ZNF469: variants seen among roughly 807,000 people sequenced by gnomAD.
ZNF469 encodes zinc finger protein 469.
In ZNF469, 1 loss-of-function variant was observed where a neutral mutation model predicts 1.0. That is an observed-to-expected ratio of 1.00 (90% CI 0.35 to 4.73). ZNF469 has a LOEUF of 4.73. ZNF469 is among the 30% of genes most tolerant of loss of function. The pLI, the probability that ZNF469 is intolerant of heterozygous loss-of-function variation, is 0.16. For synonymous variants in ZNF469, 2,703 were observed against 2,363.4 expected (o/e 1.14, Z -4.17); for missense variants, 6,100 against 5,356.3 (o/e 1.14, Z -4.33).
chr16:88,190,637 G>C, the ZNF469 span, among the ~76,000 whole-genome samples: 44 of 152,230 alleles, frequency 2.9e-4, no homozygotes, highest in Non-Finnish European at 1.3e-4. Context: ...ACACAGGCAA[G>C]AGTGTGTCTT....
the ZNF469 span, among the ~76,000 whole-genome samples, chr16:88,124,200 A>T: frequency 6.6e-6 from 1 of 152,206 alleles, no homozygotes; most frequent in African/African-American, 2.4e-5. Flanking sequence ...GTTTGACCAG[A>T]ATTTTCTCCC....
the ZNF469 span, among the ~76,000 whole-genome samples, chr16:88,197,159 C>A: frequency 6.6e-6 from 1 of 152,188 alleles, no homozygotes; most frequent in South Asian, 2.1e-4. Flanking sequence ...CTGTCCCTAC[C>A]CTTCTAGCCT....
At chr16:88,415,800 T>G (rs1467527615) in intron 1 of ZNF469, among the ~76,000 whole-genome samples, 1 of 152,188 alleles carries the variant, frequency 6.6e-6, no homozygotes, top group African/African-American at 2.4e-5. Context: ...CTTCCAGGCG[T>G]GTAGCTCCCA....
chr16:88,320,392 T>C, the ZNF469 span, among the ~76,000 whole-genome samples: 3 of 152,302 alleles, frequency 2.0e-5, no homozygotes, highest in South Asian at 6.2e-4. Flanking sequence ...TTCTTTTTTC[T>C]TTTTTCTCGG....
the ZNF469 span, among the ~76,000 whole-genome samples, chr16:88,214,707 T>C: frequency 6.6e-6 from 1 of 152,128 alleles, no homozygotes; most frequent in Non-Finnish European, 1.5e-5. Flanking sequence ...CCTGTGTCCA[T>C]GCATTCTCAT....
the ZNF469 span, among the ~76,000 whole-genome samples, chr16:88,106,264 T>C: frequency 3.3e-5 from 5 of 152,220 alleles, no homozygotes; most frequent in South Asian, 4.1e-4. Flanking sequence ...TCTTCCTCCA[T>C]GCCGCTCCTG....
In ZNF469 at chr16:88,430,181, C is replaced by G. The variant is rs1906037932; in HGVS notation, c.2711C>G (p.Ala904Gly). 6.5e-7 allele frequency: 1 copy of G among 1,548,034 alleles called. No individual in the cohort carries two copies. The change falls in exon 3 of 3, where the codon GCC becomes GGC. Residue 904 changes from alanine to glycine, a missense_variant. Ala to Gly is a moderately conservative substitution (Grantham distance 60, BLOSUM62 0). Transcript: ENST00000565624. ...ESKAPPPLPAATPDPQTPRPG... is the reference protein window; with the variant it reads ...ESKAPPPLPAGTPDPQTPRPG... The stretch of plus-strand genomic sequence containing the variant: ...AAAGCTCCGCCCCCGCTCCCAGCAG[C>G]CACGCCGGACCCCCAAACCCCCCGC...
At chr16:88,171,042 C>T in the ZNF469 span, among the ~76,000 whole-genome samples, 1 of 152,248 alleles carries the variant, frequency 6.6e-6, no homozygotes, top group Admixed American at 6.5e-5. Flanking sequence ...TGTAGTAATA[C>T]AAATGTCTTT....
At chr16:88,223,122 A>G in the ZNF469 span, among the ~76,000 whole-genome samples, 1 of 152,166 alleles carries the variant, frequency 6.6e-6, no homozygotes, top group Admixed American at 6.5e-5. Flanking sequence ...GGGGAGTGAT[A>G]TGGTTTGGCT....
chr16:88,308,670 G>A, the ZNF469 span, among the ~76,000 whole-genome samples: 1 of 152,206 alleles, frequency 6.6e-6, no homozygotes, highest in African/African-American at 2.4e-5. Flanking sequence ...TGGGCATGGT[G>A]AGGGCTGGAA....
intron 1 of ZNF469, among the ~76,000 whole-genome samples, chr16:88,407,979 C>T (rs1013433601): frequency 6.6e-5 from 10 of 152,266 alleles, no homozygotes; most frequent in Non-Finnish European, 1.0e-4. Flanking sequence ...ACTCACTCCC[C>T]TTGCCCAGGT....
chr16:88,229,638 T>TGTGGCTGTAACGC, the ZNF469 span, among the ~76,000 whole-genome samples: 1 of 133,072 alleles, frequency 7.5e-6, no homozygotes, highest in Non-Finnish European at 1.6e-5. Flanking sequence ...GGATGTCACG[T>TGTGGCTGTAACGC]GTGTGTGCTG....
chr16:88,231,399 T>C, the ZNF469 span, among the ~76,000 whole-genome samples: 1 of 152,332 alleles, frequency 6.6e-6, no homozygotes, highest in Admixed American at 6.5e-5. This position sits in a 1 kb window ranked among gnomAD's most constrained non-coding sequence, Gnocchi z 4.5. Flanking sequence ...TGGTGTCCTT[T>C]CTTGGAATCC....
At chr16:88,206,360 C>A in the ZNF469 span, among the ~76,000 whole-genome samples, 1 of 152,292 alleles carries the variant, frequency 6.6e-6, no homozygotes, top group African/African-American at 2.4e-5. Context: ...GGTCTGGGCG[C>A]CTCCCTTGGG....
chr16:88,166,013 C>T, the ZNF469 span, among the ~76,000 whole-genome samples: 1 of 152,228 alleles, frequency 6.6e-6, no homozygotes, highest in East Asian at 1.9e-4. The surrounding 1 kb of genome is among the most constrained non-coding windows in gnomAD (Gnocchi z 4.5). Flanking sequence ...CAGAAGCGGG[C>T]ACTATTGTTA....
At chr16:88,420,998 C>T (rs1046403633) in intron 1 of ZNF469, among the ~76,000 whole-genome samples, 2 of 152,106 alleles carry the variant, frequency 1.3e-5, no homozygotes, top group Non-Finnish European at 2.9e-5. Context: ...CCAGCAGAGG[C>T]CCCAGGAGGG....
At chr16:88,359,209 ACCC>A in the ZNF469 span, among the ~76,000 whole-genome samples, 1 of 150,434 alleles carries the variant, frequency 6.6e-6, no homozygotes, top group Non-Finnish European at 1.5e-5. Flanking sequence ...GGGGCTCGGT[ACCC>A]TGCATGCATT....
chr16:88,247,658 GTGAATGAGTGAATCGTGAATGAC>G, the ZNF469 span, among the ~76,000 whole-genome samples: 1 of 151,308 alleles, frequency 6.6e-6, no homozygotes, highest in Admixed American at 6.6e-5. Context: ...GAGTGAGTGA[GTGAATGAGTGAATCGTGAATGAC>G]TGAATGAGTG....
At chr16:88,351,604 C>T in the ZNF469 span, among the ~76,000 whole-genome samples, 50 of 152,218 alleles carry the variant, frequency 3.3e-4, no homozygotes, top group East Asian at 7.9e-3. Context: ...GGGCCGCCGA[C>T]GCTCCAATGA....
Sources: allele counts gnomAD v4.1 joint callset (sites outside exome capture counted in the v4.1 genomes callset), GRCh38; gene constraint gnomAD v4.1.1; non-coding constraint Gnocchi (gnomAD v3.1); transcripts MANE v1.5; gene names NCBI Gene and HGNC (gene_info 2026-07-23, HGNC 2026-07-21).